Variants in NXPE2 observed in about 807,000 individuals in gnomAD.
NXPE2 encodes neurexophilin and PC-esterase domain family member 2, also known as NXPE family member 2.
NXPE2 carries 34 observed loss-of-function variants against 34.4 expected under a neutral mutation model. That is an observed-to-expected ratio of 0.99 (90% CI 0.75 to 1.31). The LOEUF is 1.31. Among genes scored for constraint, NXPE2 ranks in the 40% most tolerant of loss-of-function variants. The probability of loss-of-function intolerance (pLI) is 0.00; values close to 1 mark genes in which losing one functional copy is unlikely to be tolerated. For missense variants in NXPE2, 649 were observed against 672.5 expected, an observed-to-expected ratio of 0.97 and a Z score of 0.39; for synonymous variants, 235 against 231.3, an observed-to-expected ratio of 1.02 and a Z score of -0.15.
At chr11:114,471,461 T>A in the NXPE2 span, among the ~76,000 whole-genome samples, 1 of 152,198 alleles carries the variant, frequency 6.6e-6, no homozygotes, top group Non-Finnish European at 1.5e-5. Context: ...TATACCCTCA[T>A]TTTAAGGCTA....
At chr11:114,499,739 A>C in the NXPE2 span, among the ~76,000 whole-genome samples, 1 of 152,160 alleles carries the variant, frequency 6.6e-6, no homozygotes, top group Non-Finnish European at 1.5e-5. Flanking sequence ...GAACGCTTTC[A>C]CTACCCCAAA....
the NXPE2 span, among the ~76,000 whole-genome samples, chr11:114,670,067 A>G: frequency 6.6e-6 from 1 of 152,088 alleles, no homozygotes; most frequent in African/African-American, 2.4e-5. Flanking sequence ...TAGAATTAGA[A>G]CAAACCTCAA....
chr11:114,717,337 A>G, the NXPE2 span, among the ~76,000 whole-genome samples: 1 of 152,276 alleles, frequency 6.6e-6, no homozygotes, highest in Admixed American at 6.5e-5. Flanking sequence ...TTGTTGTGTA[A>G]ATACTCCCTT....
the NXPE2 span, among the ~76,000 whole-genome samples, chr11:114,525,453 C>A: frequency 6.6e-6 from 1 of 152,088 alleles, no homozygotes; most frequent in African/African-American, 2.4e-5. Context: ...TCTGATGAGG[C>A]TTTGGTAGCA....
chr11:114,773,517 A>G, the NXPE2 span, among the ~76,000 whole-genome samples: 19,190 of 151,896 alleles, frequency 0.13, 1,330 homozygotes, highest in Middle Eastern at 0.2. Context: ...TCACCCCAGG[A>G]CCCTGGATTT....
chr11:114,739,759 A>G, the NXPE2 span, among the ~76,000 whole-genome samples: 1 of 152,076 alleles, frequency 6.6e-6, no homozygotes, highest in Non-Finnish European at 1.5e-5. Context: ...GATCACTGGT[A>G]GGTAACCACT....
the NXPE2 span, among the ~76,000 whole-genome samples, chr11:114,797,693 A>C: frequency 5.3e-5 from 8 of 152,216 alleles, no homozygotes; most frequent in Non-Finnish European, 1.0e-4. Context: ...GAGCTAAATG[A>C]ATTCCATGAA....
At chr11:114,550,011 C>A in the NXPE2 span, among the ~76,000 whole-genome samples, 1 of 152,098 alleles carries the variant, frequency 6.6e-6, no homozygotes, top group Admixed American at 6.5e-5. Flanking sequence ...ACATTTAGCA[C>A]ACGTGTCCAA....
the NXPE2 span, among the ~76,000 whole-genome samples, chr11:114,769,262 T>C: frequency 6.6e-6 from 1 of 151,746 alleles, no homozygotes; most frequent in African/African-American, 2.4e-5. Context: ...CACAATGAGA[T>C]ACCATCTCAT....
the NXPE2 span, among the ~76,000 whole-genome samples, chr11:114,724,669 C>T: frequency 2.6e-5 from 4 of 151,880 alleles, no homozygotes; most frequent in Admixed American, 1.3e-4. Context: ...CCATTGCACA[C>T]CCCCCGCCAC....
chr11:114,787,851 G>C, the NXPE2 span, among the ~76,000 whole-genome samples: 1 of 152,012 alleles, frequency 6.6e-6, no homozygotes, highest in Non-Finnish European at 1.5e-5. Context: ...TCCCCCATTT[G>C]ACTACTGAAT....
chr11:114,749,140 A>G, the NXPE2 span, among the ~76,000 whole-genome samples: 1 of 152,170 alleles, frequency 6.6e-6, no homozygotes, highest in African/African-American at 2.4e-5. Context: ...AAGCATACGT[A>G]TTTAGAAGCC....
At chr11:114,786,954 T>G in the NXPE2 span, among the ~76,000 whole-genome samples, 1 of 152,056 alleles carries the variant, frequency 6.6e-6, no homozygotes, top group East Asian at 1.9e-4. Context: ...AGGTCCCTGG[T>G]CTGGTGAGAC....
At chr11:114,766,797 C>G in the NXPE2 span, among the ~76,000 whole-genome samples, 4 of 152,018 alleles carry the variant, frequency 2.6e-5, no homozygotes, top group Admixed American at 1.3e-4. Flanking sequence ...ATATGTTATT[C>G]TTTTCTTTCC....
the NXPE2 span, among the ~76,000 whole-genome samples, chr11:114,751,067 A>T: frequency 1.3e-5 from 2 of 152,254 alleles, no homozygotes; most frequent in African/African-American, 4.8e-5. Context: ...TTCTGTATCT[A>T]TACTATCTGA....
chr11:114,570,388 G>A, the NXPE2 span, among the ~76,000 whole-genome samples: 1 of 152,116 alleles, frequency 6.6e-6, no homozygotes, highest in Non-Finnish European at 1.5e-5. Flanking sequence ...CTATAAACCT[G>A]GATGAAAAAT....
chr11:114,696,703 C>T (rs1951265366), intron 2 of NXPE2, among the ~76,000 whole-genome samples: 1 of 152,128 alleles, frequency 6.6e-6, no homozygotes, highest in African/African-American at 2.4e-5. Context: ...ACAACATTAA[C>T]ATTGTTCTTA....
At chr11:114,548,342 C>T in the NXPE2 span, among the ~76,000 whole-genome samples, 1 of 151,918 alleles carries the variant, frequency 6.6e-6, no homozygotes, top group Non-Finnish European at 1.5e-5. Flanking sequence ...ATATACTGAA[C>T]TCTGAATTCT....
chr11:114,776,494 C>T, the NXPE2 span, among the ~76,000 whole-genome samples: 153 of 152,314 alleles, frequency 1.0e-3, no homozygotes, highest in East Asian at 2.3e-3. Context: ...CCGAGGGCAG[C>T]GGAGATACTG....
Sources: gnomAD v4.1 joint callset for allele counts (sites outside exome capture counted in the v4.1 genomes callset) on GRCh38, gnomAD v4.1.1 for gene constraint, MANE v1.5 for transcripts, NCBI Gene and HGNC (gene_info 2026-07-23, HGNC 2026-07-21) for gene names.